The following C2orf15 variants were observed in gnomAD, a reference collection of about 807,000 sequenced individuals.
C2orf15 encodes the protein uncharacterized protein C2orf15.
In C2orf15, 3 loss-of-function variants were observed where a neutral mutation model predicts 4.4. The observed-to-expected ratio is 0.67, with a 90% CI of 0.31 to 1.74. C2orf15 has a LOEUF of 1.74. C2orf15 is among the 40% of genes most tolerant of loss of function. C2orf15 has a pLI of 0.09. For synonymous variants in C2orf15, 37 were observed against 36.8 expected (o/e 1.00, Z -0.02); for missense variants, 90 against 103.3 (o/e 0.87, Z 0.56).
At position 99,150,692 on chromosome 2, in the gene C2orf15, A is replaced by G; in HGVS notation, c.134A>G (p.Lys45Arg). The change falls in exon 4 of 4, where the codon AAG (lysine) becomes AGG (arginine). Residue 45 changes from lysine (K) to arginine (R), a missense_variant. Coordinates refer to ENST00000650052, the MANE Select transcript of C2orf15 (RefSeq NM_144706.4). Reference sequence around the variant, plus strand: ...GCGACTCAGTTATTTCAAAACACCAAGAAAATAAGATTAGAAGACACAAAT... The same window carrying G: ...GCGACTCAGTTATTTCAAAACACCAGGAAAATAAGATTAGAAGACACAAAT... ...EPATQLFQNT[K>R]KIRLEDTNQE... The G allele has an allele frequency of 3.1e-6, 5 of 1,614,150 alleles. No homozygotes were observed.
rs951312037 is a variant in C2orf15, at chr2:99,150,586, A to G, written c.28A>G (p.Thr10Ala). The G allele has an allele frequency of 1.9e-6, 3 of 1,613,560 alleles. No individual in the cohort carries two copies. In the South Asian group the frequency reaches 3.3e-5, roughly 18 times the overall value. MGFSLSKSA[T>A]QVSAIHMDSK... ...GGGATTTTCACTTAGTAAATCTGCT[A>G]CTCAGGTATCTGCTATACATATGGA... Residue 10 changes from threonine (T) to alanine (A), a missense_variant, in exon 4 of 4, where the codon ACT becomes GCT. Thr to Ala is a moderately conservative substitution (Grantham distance 58). Coordinates refer to ENST00000650052, the MANE Select transcript of C2orf15 (RefSeq NM_144706.4).
chr2:99,148,585 A>G (rs1044262371), intron 3 of C2orf15, among the ~76,000 whole-genome samples: 5 of 152,242 alleles, frequency 3.3e-5, no homozygotes, highest in African/African-American at 1.2e-4. Context: ...TTCTTTAGAA[A>G]TGTTCAGTCA....
Position 99,147,384 on chromosome 2 carries a change from C to A in C2orf15, c.-168-18C>A. 1 of 1,288,774 alleles carries A rather than the reference C, an allele frequency of 7.8e-7. No homozygotes were observed. Among genetic ancestry groups the A allele is most frequent in the Non-Finnish European group, 1.1e-6 (1 of 887,100 alleles). The allele number at this position is 1,288,774 out of a possible 1,614,324, so 79.8% of individuals were successfully genotyped here. A position where few individuals can be genotyped will look rare whatever the true frequency, so the allele number is the denominator to read the frequency against. ...ATTTATCTCTTTATGTACCTTTATT[C>A]TTACATATATATTCCAGATTTCTTC... On this transcript the variant is annotated intron_variant, in intron 2 of 3. Transcript: ENST00000650052.
At chr2:99,145,757 G>A (rs1378677277) in intron 2 of C2orf15, among the ~76,000 whole-genome samples, 2 of 152,188 alleles carry the variant, frequency 1.3e-5, no homozygotes, top group Non-Finnish European at 2.9e-5. Context: ...CTGGGGACCA[G>A]ATATGTAGAT....
chr2:99,146,103 C>T (rs1254323793), intron 2 of C2orf15, among the ~76,000 whole-genome samples: 1 of 152,002 alleles, frequency 6.6e-6, no homozygotes, highest in Non-Finnish European at 1.5e-5. Flanking sequence ...GCCAACATGG[C>T]GAAACATCGT....
At chr2:99,147,569 G>A in intron 3 of C2orf15, 76 bp downstream of exon 3, 1 of 1,227,740 alleles carries the variant, frequency 8.1e-7, no homozygotes, top group Non-Finnish European at 1.2e-6. Flanking sequence ...GAAGTTTAAT[G>A]TGCAAATTGA....
intron 2 of C2orf15, among the ~76,000 whole-genome samples, chr2:99,145,708 CA>C (rs1204993071): frequency 6.6e-6 from 1 of 152,170 alleles, no homozygotes; most frequent in Non-Finnish European, 1.5e-5. Flanking sequence ...GGGATTAGGA[CA>C]AAGACATCTT....
intron 3 of C2orf15, chr2:99,148,439 T>C (rs1360589222): frequency 6.6e-6 from 1 of 152,198 alleles, no homozygotes; most frequent in African/African-American, 2.4e-5. Context: ...AAGCCAAATA[T>C]ATACTATTTA....
At position 99,150,864 on chromosome 2, in the gene C2orf15, A is replaced by G. The variant is rs1305548089; in HGVS notation, c.*30A>G. On this transcript the variant is annotated 3_prime_UTR_variant, in exon 4 of 4. Transcript: ENST00000650052. ...ATTTGTACGTATTACCAAAGAAACC[A>G]AAAACTGCCTTTGACTAAGGGGGGT... 1 of 1,466,396 alleles carries G rather than the reference A, an allele frequency of 6.8e-7. No homozygotes were observed. Among genetic ancestry groups the G allele is most frequent in the Non-Finnish European group, 9.3e-7 (1 of 1,080,066 alleles). 90.8% of individuals were successfully genotyped at this position (1,466,396 alleles called of 1,614,324 possible). A position where few individuals can be genotyped will look rare whatever the true frequency, so the allele number is the denominator to read the frequency against.
Sources: allele counts gnomAD v4.1 joint callset (sites outside exome capture counted in the v4.1 genomes callset), GRCh38; gene constraint gnomAD v4.1.1; transcripts MANE v1.5; gene names NCBI Gene and HGNC (gene_info 2026-07-23, HGNC 2026-07-21).